Variants in DYNC2LI1 observed in about 807,000 individuals in gnomAD.
DYNC2LI1 encodes cytoplasmic dynein 2 light intermediate chain 1.
Under a neutral mutation model 51.9 loss-of-function variants are expected in DYNC2LI1, and 45 were observed. The observed-to-expected ratio is 0.87, with a 90% CI of 0.68 to 1.11. The LOEUF (loss-of-function observed/expected upper bound fraction) is 1.11. Ranked by LOEUF, DYNC2LI1 falls within the 50% of genes most tolerant of loss-of-function variation. DYNC2LI1 has a pLI of 0.00. For synonymous variants in DYNC2LI1, 130 were observed against 137.8 expected (o/e 0.94, Z 0.40); for missense variants, 490 against 417.4 (o/e 1.17, Z -1.51).
the DYNC2LI1 span, among the ~76,000 whole-genome samples, chr2:43,822,348 C>T: frequency 6.6e-6 from 1 of 152,160 alleles, no homozygotes; most frequent in Non-Finnish European, 1.5e-5. Flanking sequence ...TCTGATGCTG[C>T]CCAATCCTGC....
the DYNC2LI1 span, among the ~76,000 whole-genome samples, chr2:43,819,322 C>A: frequency 1.3e-5 from 2 of 151,622 alleles, no homozygotes; most frequent in African/African-American, 4.8e-5. Flanking sequence ...TGATACTTGT[C>A]CATTACAGAA....
At chr2:43,797,449 T>TA (rs142035585) in intron 8 of DYNC2LI1, among the ~76,000 whole-genome samples, 2,920 of 152,100 alleles carry the variant, frequency 0.019, 52 homozygotes, top group Middle Eastern at 0.034. Flanking sequence ...ATATCACTGT[T>TA]ATCATTATCT....
chr2:43,780,487 G>A (rs1673226061), intron 2 of DYNC2LI1, among the ~76,000 whole-genome samples: 1 of 152,214 alleles, frequency 6.6e-6, no homozygotes, highest in African/African-American at 2.4e-5. Context: ...AGGTAGAGTA[G>A]TTGTTTATAG....
At chr2:43,826,619 C>T in the DYNC2LI1 span, 5 of 1,560,084 alleles carry the variant, frequency 3.2e-6, no homozygotes, top group Non-Finnish European at 4.4e-6. Context: ...GAGTTTGTAC[C>T]CCATTCAAAC....
chr2:43,794,350 T>C (rs551574531), intron 5 of DYNC2LI1, 107 bp from the exon 6 acceptor site: 184 of 1,204,232 alleles, frequency 1.5e-4, no homozygotes, highest in Non-Finnish European at 1.8e-4. Context: ...GGTTTTTTTT[T>C]CCCCTTAAGG....
chr2:43,804,547 G>T, intron 10 of DYNC2LI1, 95 bp from the exon 11 acceptor site: 2 of 782,224 alleles, frequency 2.6e-6, no homozygotes, highest in South Asian at 2.2e-5. Context: ...TGAGTGATCC[G>T]AGATGTATAC....
chr2:43,802,313 C>G (rs544367745), intron 10 of DYNC2LI1, among the ~76,000 whole-genome samples: 4 of 151,554 alleles, frequency 2.6e-5, no homozygotes, highest in African/African-American at 4.8e-5. Flanking sequence ...CTTTGAGCCT[C>G]GCACTTCTTT....
chr2:43,800,782 T>TA, intron 8 of DYNC2LI1, 59 bp from the exon 9 acceptor site: 1 of 912,560 alleles, frequency 1.1e-6, no homozygotes, highest in South Asian at 1.8e-5. Flanking sequence ...ATATTTATTT[T>TA]ACCTGTTTCT....
At chr2:43,822,079 AT>A in the DYNC2LI1 span, among the ~76,000 whole-genome samples, 1 of 152,112 alleles carries the variant, frequency 6.6e-6, no homozygotes, top group Admixed American at 6.6e-5. Flanking sequence ...TAAAATAACC[AT>A]TTTTTGAACT....
At chr2:43,813,208 T>C (rs140374206), downstream of DYNC2LI1, 9,554 of 1,608,908 alleles carry the variant, frequency 5.9e-3, 52 homozygotes, top group Middle Eastern at 0.022. Context: ...AGAAAGTTCA[T>C]TGTGAATCTA....
the DYNC2LI1 span, chr2:43,826,354 C>A: frequency 6.2e-7 from 1 of 1,613,484 alleles, no homozygotes; most frequent in South Asian, 1.1e-5. Flanking sequence ...ACACCATAGA[C>A]CCGGCCTTTA....
At chr2:43,817,614 A>C in the DYNC2LI1 span, among the ~76,000 whole-genome samples, 2 of 151,804 alleles carry the variant, frequency 1.3e-5, no homozygotes, top group African/African-American at 4.8e-5. Flanking sequence ...ATTCTAAGTT[A>C]AAAATGCATT....
Position 43,804,745 on chromosome 2 carries a change from T to A in DYNC2LI1, c.900+6T>A. On this transcript the variant is annotated splice_donor_region_variant and intron_variant, in intron 11 of 12. Transcript: ENST00000260605. Reference sequence around the variant, plus strand: ...AAAAGCTCTTTCCACCAAAGGTACATATTTCTAATTTTTTTAAAAGCAAGA... The same window carrying A: ...AAAAGCTCTTTCCACCAAAGGTACAAATTTCTAATTTTTTTAAAAGCAAGA... 1 of 1,580,298 alleles carries A rather than the reference T, an allele frequency of 6.3e-7. No individual in the cohort carries two copies.
intron 5 of DYNC2LI1, chr2:43,793,679 G>A (rs147097316): frequency 6.6e-6 from 1 of 150,886 alleles, no homozygotes; most frequent in Non-Finnish European, 1.5e-5. Context: ...GGCCTCAAGT[G>A]ATCCTCCTGC....
intron 6 of DYNC2LI1, 122 bp downstream of exon 6, chr2:43,794,765 C>T (rs996902213): frequency 1.4e-5 from 21 of 1,550,654 alleles, no homozygotes; most frequent in Non-Finnish European, 1.8e-5. Flanking sequence ...GTAGATGAAC[C>T]TGTTCACTGG....
At chr2:43,775,182 C>G (rs1672954496) in intron 1 of DYNC2LI1, among the ~76,000 whole-genome samples, 1 of 152,034 alleles carries the variant, frequency 6.6e-6, no homozygotes, top group African/African-American at 2.4e-5. Flanking sequence ...ACAATTGAGC[C>G]TGGGGAATAG....
At chr2:43,799,334 A>G (rs1665996905) in intron 8 of DYNC2LI1, among the ~76,000 whole-genome samples, 1 of 152,180 alleles carries the variant, frequency 6.6e-6, no homozygotes, top group Admixed American at 6.6e-5. Flanking sequence ...GCCCCCCAAA[A>G]GAACAGGAGA....
At chr2:43,804,409 A>C (rs1666171854) in intron 10 of DYNC2LI1, among the ~76,000 whole-genome samples, 1 of 152,218 alleles carries the variant, frequency 6.6e-6, no homozygotes, top group African/African-American at 2.4e-5. Flanking sequence ...TAGGGTGTGG[A>C]GAATGAGAGT....
At chr2:43,823,962 C>G in the DYNC2LI1 span, 4 of 1,614,196 alleles carry the variant, frequency 2.5e-6, no homozygotes, top group Middle Eastern at 1.6e-4. Flanking sequence ...CGCCCACAAA[C>G]TGGTAAAGGA....
Sources: gnomAD v4.1 joint callset for allele counts (sites outside exome capture counted in the v4.1 genomes callset) on GRCh38, gnomAD v4.1.1 for gene constraint, MANE v1.5 for transcripts, NCBI Gene and HGNC (gene_info 2026-07-23, HGNC 2026-07-21) for gene names.